FAM174A: variants seen among roughly 807,000 people sequenced by gnomAD.
FAM174A encodes the protein family with sequence similarity 174 member A.
A neutral mutation model predicts 14.3 loss-of-function variants in FAM174A; 14 were observed. The observed-to-expected ratio is 0.98, with a 90% CI of 0.65 to 1.53. The LOEUF is 1.53. Ranked by LOEUF, FAM174A falls within the 40% of genes most tolerant of loss-of-function variation. FAM174A has a pLI of 0.00. For synonymous variants in FAM174A, 108 were observed against 111.4 expected (o/e 0.97, Z 0.19); for missense variants, 241 against 249.6 (o/e 0.97, Z 0.23).
intron 1 of FAM174A, among the ~76,000 whole-genome samples, chr5:100,551,531 A>G (rs1362662069): frequency 1.3e-5 from 2 of 152,056 alleles, no homozygotes; most frequent in African/African-American, 2.4e-5. Context: ...TCAGATCTCT[A>G]TTACCCTTTG....
intron 2 of FAM174A, among the ~76,000 whole-genome samples, chr5:100,585,383 T>G (rs1747107946): frequency 1.3e-5 from 2 of 152,188 alleles, no homozygotes; most frequent in Admixed American, 6.5e-5. Flanking sequence ...TTTTATCCAT[T>G]CATGGCATAC....
chr5:100,547,727 C>T lies in FAM174A; in HGVS notation c.434+11763C>T, dbSNP rs181468390. 2.6e-5 allele frequency among the ~76,000 whole-genome samples: 4 copies of T among 152,166 alleles called. No homozygotes were observed. The East Asian group carries it at 7.7e-4, about 29-fold the overall frequency. On this transcript the variant is annotated intron_variant, in intron 1 of 2. Transcript: ENST00000312637. Reference sequence around the variant, plus strand: ...TATACATCCAGATGATATACAGTAGCAGTGTGGCTCAGAGAAACTAATATG... The same window carrying T: ...TATACATCCAGATGATATACAGTAGTAGTGTGGCTCAGAGAAACTAATATG...
intron 2 of FAM174A, among the ~76,000 whole-genome samples, chr5:100,573,062 G>A (rs1241991362): frequency 4.4e-5 from 6 of 135,960 alleles, no homozygotes; most frequent in African/African-American, 1.1e-4. Flanking sequence ...TTTGAGAAGT[G>A]TCTGTTCATG....
chr5:100,551,685 T>C lies in FAM174A; in HGVS notation c.435-10369T>C, dbSNP rs1247934556. ...TGGCTTAAACAACAGAAATTTATTG[T>C]CTCACAGTTCTGGAGGCTAGAAATC... On this transcript the variant is annotated intron_variant, in intron 1 of 2. Coordinates refer to ENST00000312637, the MANE Select transcript of FAM174A (RefSeq NM_198507.3). 3.9e-5 allele frequency among the ~76,000 whole-genome samples: 6 copies of C among 152,192 alleles called. No individual in the cohort carries two copies. In the East Asian group the frequency reaches 1.2e-3, roughly 29 times the overall value.
At chr5:100,570,027 T>C (rs751396711) in intron 2 of FAM174A, among the ~76,000 whole-genome samples, 1 of 151,880 alleles carries the variant, frequency 6.6e-6, no homozygotes, top group Admixed American at 6.6e-5. Context: ...AGTCATACAG[T>C]TTTTCTATTC....
Position 100,546,554 on chromosome 5 carries a change from T to C in FAM174A, c.434+10590T>C, listed in dbSNP as rs115037677. On this transcript the variant is annotated intron_variant, in intron 1 of 2. Transcript: ENST00000312637. ...TACATTATTCAGTGAGTTCTTGAAG[T>C]AATTGATTGATTATATTTTTACTCT... Among the ~76,000 whole-genome samples the C allele has an allele frequency of 1.9e-3, 285 of 152,338 alleles. 2 individuals are homozygous for C. Among genetic ancestry groups the C allele is most frequent in the African/African-American group, 6.3e-3 (264 of 41,584 alleles).
At position 100,578,443 on chromosome 5, in the gene FAM174A, T is replaced by A. The variant is rs73164285; in HGVS notation, c.570-7738T>A. ...CTTGTAGACTACCCTAAAAAGACAA[T>A]CCTTAGTCTTAATTGAAAGCTATTT... On this transcript the variant is annotated intron_variant, in intron 2 of 2. Coordinates refer to ENST00000312637, the MANE Select transcript of FAM174A (RefSeq NM_198507.3). 3.4e-3 allele frequency among the ~76,000 whole-genome samples: 513 copies of A among 152,236 alleles called. 2 individuals carry two copies. Among genetic ancestry groups the A allele is most frequent in the Middle Eastern group, 0.017 (5 of 294 alleles).
At chr5:100,540,273 A>G (rs1322296259) in intron 1 of FAM174A, among the ~76,000 whole-genome samples, 1 of 152,192 alleles carries the variant, frequency 6.6e-6, no homozygotes, top group Non-Finnish European at 1.5e-5. Flanking sequence ...ACTTTTGACT[A>G]TTTAACCATT....
At chr5:100,555,699 A>G (rs898881024) in intron 1 of FAM174A, among the ~76,000 whole-genome samples, 8 of 151,898 alleles carry the variant, frequency 5.3e-5, no homozygotes, top group Admixed American at 3.9e-4. Context: ...GCATTTTTTC[A>G]TGTGTGTGTG....
At chr5:100,548,808 A>G (rs1746209684) in intron 1 of FAM174A, among the ~76,000 whole-genome samples, 1 of 152,144 alleles carries the variant, frequency 6.6e-6, no homozygotes, top group African/African-American at 2.4e-5. Context: ...ATGCTTTTAC[A>G]TCTAGAATTC....
intron 2 of FAM174A, among the ~76,000 whole-genome samples, chr5:100,564,004 G>C (rs557249325): frequency 2.0e-5 from 3 of 151,966 alleles, no homozygotes; most frequent in Admixed American, 6.6e-5. Context: ...CCTTGTGATA[G>C]TGAGTTCTTG....
chr5:100,540,521 A>G (rs1233846928), intron 1 of FAM174A, among the ~76,000 whole-genome samples: 1 of 152,212 alleles, frequency 6.6e-6, no homozygotes, highest in Non-Finnish European at 1.5e-5. Flanking sequence ...TTCTATATAA[A>G]GAGACCCAGA....
chr5:100,581,672 T>C (rs1747019970), intron 2 of FAM174A, among the ~76,000 whole-genome samples: 1 of 152,134 alleles, frequency 6.6e-6, no homozygotes, highest in South Asian at 2.1e-4. Flanking sequence ...CAATATTACA[T>C]TTGGTCGTGG....
In FAM174A at chr5:100,535,939, G is replaced by T; in HGVS notation, c.409G>T (p.Val137Leu). 6.3e-7 allele frequency: 1 copy of T among 1,598,336 alleles called. No homozygotes were observed. Among genetic ancestry groups the T allele is most frequent in the Non-Finnish European group, 8.6e-7 (1 of 1,169,356 alleles). ...GATGGTGGTGAGCGGCGCGGTGCTG[G>T]TGTACTTCGTGGTCAGGACGGTCAG... ...VLMVVSGAVLVYFVVRTVRMR... is the reference protein window; with the variant it reads ...VLMVVSGAVLLYFVVRTVRMR... Residue 137 changes from valine (V) to leucine (L), a missense_variant, in exon 1 of 3, where the codon GTG becomes TTG. By Grantham distance (32) the Val-to-Leu change is conservative. Transcript: ENST00000312637.
chr5:100,562,594 G>C (rs562371422), intron 2 of FAM174A, among the ~76,000 whole-genome samples: 8 of 151,528 alleles, frequency 5.3e-5, no homozygotes, highest in Non-Finnish European at 7.4e-5. Context: ...GTGTGTGCAT[G>C]TGTGTTTGTG....
chr5:100,581,750 A>G (rs1270272491), intron 2 of FAM174A, among the ~76,000 whole-genome samples: 1 of 152,226 alleles, frequency 6.6e-6, no homozygotes, highest in Non-Finnish European at 1.5e-5. Context: ...GCATGAAAAC[A>G]TCCAGAATAG....
At chr5:100,569,154 G>C (rs1013895141) in intron 2 of FAM174A, among the ~76,000 whole-genome samples, 2 of 151,714 alleles carry the variant, frequency 1.3e-5, no homozygotes, top group Non-Finnish European at 2.9e-5. Flanking sequence ...TTTGGTAAAA[G>C]TTGACAGAAA....
At chr5:100,573,727 T>A (rs1440382220) in intron 2 of FAM174A, among the ~76,000 whole-genome samples, 3 of 150,112 alleles carry the variant, frequency 2.0e-5, no homozygotes, top group African/African-American at 7.5e-5. Flanking sequence ...AAAAACTACT[T>A]TAAAGTTCAT....
At chr5:100,566,425 A>G (rs889819256) in intron 2 of FAM174A, among the ~76,000 whole-genome samples, 13 of 151,610 alleles carry the variant, frequency 8.6e-5, no homozygotes, top group African/African-American at 2.7e-4. Context: ...GGAAGATGTT[A>G]GTCAAGGGAT....
Sources: gnomAD v4.1 joint callset for allele counts (sites outside exome capture counted in the v4.1 genomes callset) on GRCh38, gnomAD v4.1.1 for gene constraint, MANE v1.5 for transcripts, NCBI Gene and HGNC (gene_info 2026-07-23, HGNC 2026-07-21) for gene names.